TMEM50B: variants seen among roughly 807,000 people sequenced by gnomAD.
TMEM50B encodes the protein HCV p7-trans-regulated protein 3.
A neutral mutation model predicts 23.4 loss-of-function variants in TMEM50B; 14 were observed. The observed-to-expected ratio is 0.60, with a 90% CI of 0.39 to 0.93. The LOEUF (loss-of-function observed/expected upper bound fraction) is 0.93, where lower values mean the gene tolerates loss of function less well. TMEM50B is among the 40% of genes least tolerant of loss of function. The pLI, the probability that TMEM50B is intolerant of heterozygous loss-of-function variation, is 0.00. For synonymous variants in TMEM50B, 64 were observed against 62.3 expected (o/e 1.03, Z -0.13); for missense variants, 159 against 193.0 (o/e 0.82, Z 1.04).
At chr21:33,466,186 G>A (rs1192253871) in intron 3 of TMEM50B, among the ~76,000 whole-genome samples, 3 of 152,192 alleles carry the variant, frequency 2.0e-5, no homozygotes, top group South Asian at 2.1e-4. Context: ...ACTTGAACCC[G>A]GGAGGCAGAG....
chr21:33,461,815 AT>A (rs1167907732), intron 4 of TMEM50B, among the ~76,000 whole-genome samples: 1 of 151,888 alleles, frequency 6.6e-6, no homozygotes, highest in African/African-American at 2.4e-5. Context: ...AAAAAAAAAA[AT>A]CCTTACAATT....
At chr21:33,469,394 T>C (rs893958189) in intron 1 of TMEM50B, 2 of 153,842 alleles carry the variant, frequency 1.3e-5, no homozygotes, top group African/African-American at 4.8e-5. Context: ...GAGATTGCAG[T>C]GCAAGATTAT....
At chr21:33,477,325 C>G (rs2084382729) in intron 1 of TMEM50B, among the ~76,000 whole-genome samples, 1 of 151,842 alleles carries the variant, frequency 6.6e-6, no homozygotes, top group Non-Finnish European at 1.5e-5. Flanking sequence ...TGAGGTAGGT[C>G]TCCACGTGCT....
At chr21:33,450,978 A>G in intron 6 of TMEM50B, 115 bp from the exon 7 acceptor site, 1 of 828,094 alleles carries the variant, frequency 1.2e-6, no homozygotes, top group Admixed American at 2.7e-5. Context: ...AATTTTAAAA[A>G]TTAAATTAGA....
chr21:33,460,961 T>C (rs1461015269), intron 4 of TMEM50B, among the ~76,000 whole-genome samples: 1 of 152,228 alleles, frequency 6.6e-6, no homozygotes, highest in Admixed American at 6.5e-5. Context: ...TTTAGGAGTA[T>C]ATTCAGGCTT....
At chr21:33,470,288 A>G (rs1205802774) in intron 1 of TMEM50B, among the ~76,000 whole-genome samples, 5 of 152,028 alleles carry the variant, frequency 3.3e-5, no homozygotes, top group Admixed American at 3.3e-4. Context: ...CCTGGCCAAC[A>G]TGGTGAAATC....
In TMEM50B at chr21:33,450,476, A is replaced by AT. The variant is rs1412560931; in HGVS notation, c.*341dup. ...CTCCCAAAGTGCTGGGATTACAGGC[A>AT]TGAGCCACCGTGCCCAGCCAGAGAG... On this transcript the variant is annotated 3_prime_UTR_variant, in exon 7 of 7. Transcript: ENST00000542230. The AT allele has an allele frequency of 5.6e-6, 1 of 178,656 alleles. No homozygotes were observed. The highest frequency in any genetic ancestry group is 1.2e-5 in the Non-Finnish European group (1 of 85,574). 11.1% of individuals were successfully genotyped at this position (178,656 alleles called of 1,614,324 possible). A position where few individuals can be genotyped will look rare whatever the true frequency, so the allele number is the denominator to read the frequency against.
chr21:33,478,202 C>T (rs1232829554), intron 1 of TMEM50B, among the ~76,000 whole-genome samples: 1 of 151,774 alleles, frequency 6.6e-6, no homozygotes, highest in Non-Finnish European at 1.5e-5. Flanking sequence ...GCGCGGTGCC[C>T]ACACCTGTAA....
At chr21:33,464,326 T>C (rs1363248184) in intron 4 of TMEM50B, among the ~76,000 whole-genome samples, 2 of 151,664 alleles carry the variant, frequency 1.3e-5, no homozygotes, top group Non-Finnish European at 2.9e-5. Context: ...GCCTCCCAAG[T>C]AGCTGGGACT....
At chr21:33,477,408 T>C (rs1239910379) in intron 1 of TMEM50B, among the ~76,000 whole-genome samples, 1 of 152,184 alleles carries the variant, frequency 6.6e-6, no homozygotes, top group African/African-American at 2.4e-5. Flanking sequence ...TCCTAGGGAA[T>C]GGAATTGAGG....
intron 1 of TMEM50B, among the ~76,000 whole-genome samples, chr21:33,477,987 T>C (rs932859632): frequency 6.6e-6 from 1 of 150,662 alleles, no homozygotes; most frequent in African/African-American, 2.4e-5. Flanking sequence ...TACAAAAAAT[T>C]AGCCGGGCGT....
chr21:33,456,889 G>T (rs527908013), intron 5 of TMEM50B, among the ~76,000 whole-genome samples: 2 of 152,314 alleles, frequency 1.3e-5, no homozygotes, highest in Non-Finnish European at 2.9e-5. Context: ...AAGCAAATCT[G>T]TACAGTAAAA....
chr21:33,470,893 GA>G (rs1026928603), intron 1 of TMEM50B, among the ~76,000 whole-genome samples: 17 of 150,696 alleles, frequency 1.1e-4, no homozygotes, highest in African/African-American at 3.9e-4. Context: ...CCCTCTCAAA[GA>G]AAAAAAAAGA....
chr21:33,479,312 CTCGTA>C (rs1028996994), intron 1 of TMEM50B: 3 of 153,246 alleles, frequency 2.0e-5, no homozygotes, highest in Admixed American at 6.5e-5. Context: ...GTACTTGACT[CTCGTA>C]AGAATGAAAT....
At chr21:33,433,269 C>T (rs2123371842) in intron 8 of TMEM50B, among the ~76,000 whole-genome samples, 1 of 152,268 alleles carries the variant, frequency 6.6e-6, no homozygotes. Flanking sequence ...AAGCCGTGGA[C>T]ACAGAGATTT....
intron 6 of TMEM50B, among the ~76,000 whole-genome samples, chr21:33,454,418 A>G (rs2084150570): frequency 6.6e-6 from 1 of 152,006 alleles, no homozygotes; most frequent in Non-Finnish European, 1.5e-5. Context: ...CTCCTGCCTC[A>G]GCCTTCCGAG....
rs1303363916 is a variant in TMEM50B at position 33,450,910 on chromosome 21, A to C, written c.432-47T>G. 5 of 1,502,708 alleles carry C rather than the reference A, an allele frequency of 3.3e-6. No individual in the cohort carries two copies. In the South Asian group the frequency reaches 5.7e-5, roughly 17 times the overall value. 93.1% of individuals were successfully genotyped at this position (1,502,708 alleles called of 1,614,324 possible). On this transcript the variant is annotated intron_variant, in intron 6 of 6. Transcript: ENST00000542230. The stretch of plus-strand genomic sequence containing the variant: ...TCATGAGGAAAAAACCGATGGAACA[A>C]GCAACACAGAATTCATTTTCTCAAT...
chr21:33,443,783 G>A (rs1030451322), intron 7 of TMEM50B, among the ~76,000 whole-genome samples: 3 of 152,174 alleles, frequency 2.0e-5, no homozygotes, highest in Non-Finnish European at 4.4e-5. Context: ...TAAGTAAACA[G>A]GCGTCACATC....
intron 7 of TMEM50B, among the ~76,000 whole-genome samples, chr21:33,443,857 T>C (rs1035010395): frequency 9.9e-6 from 1 of 100,512 alleles, no homozygotes; most frequent in African/African-American, 2.7e-5. Context: ...TGTTAACTTC[T>C]GGGAATCTGA....
Sources: allele counts gnomAD v4.1 joint callset (sites outside exome capture counted in the v4.1 genomes callset), GRCh38; gene constraint gnomAD v4.1.1; transcripts MANE v1.5; gene names NCBI Gene and HGNC (gene_info 2026-07-23, HGNC 2026-07-21).